TEP1: variants seen among roughly 807,000 people sequenced by gnomAD.
The protein encoded by TEP1 is telomerase protein component 1.
Under a neutral mutation model 306.3 loss-of-function variants are expected in TEP1, and 241 were observed. The observed-to-expected ratio is 0.79, with a 90% CI of 0.71 to 0.88. The LOEUF (loss-of-function observed/expected upper bound fraction) is 0.88, where lower values mean the gene tolerates loss of function less well. Among genes scored for constraint, TEP1 ranks in the 40% least tolerant of loss-of-function variants. TEP1 has a pLI of 0.00. For missense variants in TEP1, 3,051 were observed against 3,276.1 expected (o/e 0.93, Z 1.68); for synonymous variants, 1,289 against 1,305.5 (o/e 0.99, Z 0.27).
intron 17 of TEP1, 52 bp downstream of exon 17, chr14:20,389,186 T>G: frequency 6.5e-7 from 1 of 1,541,206 alleles, no homozygotes. Flanking sequence ...GATAATCTCC[T>G]AAAAACTTTC....
chr14:20,385,164 C>G, intron 20 of TEP1, 55 bp from the exon 21 acceptor site: 1 of 1,602,316 alleles, frequency 6.2e-7, no homozygotes, highest in Non-Finnish European at 8.5e-7. Context: ...GACCCTCCCT[C>G]CAGACCTGCC....
chr14:20,371,626 G>T lies in TEP1; in HGVS notation c.7083C>A (p.His2361Gln). Residue 2361 changes from histidine to glutamine, a missense_variant, in exon 50 of 55, where the codon CAC (histidine) becomes CAA (glutamine). This residue lies in a region of TEP1 where 1,540 missense variants were observed against 1,705.9 expected (regional missense o/e 0.90). Coordinates refer to ENST00000262715, the MANE Select transcript of TEP1 (RefSeq NM_007110.5). ...KGSAPGNLSL[H>Q]LNRILQEDLG... is the part of the protein sequence containing the mutation. Reference sequence around the variant, plus strand: ...AGTCCTCCTGTAGAATTCGGTTCAGGTGAAGACTAGCTCAAAAAAGTACAT... The same window carrying T: ...AGTCCTCCTGTAGAATTCGGTTCAGTTGAAGACTAGCTCAAAAAAGTACAT... The T allele has an allele frequency of 6.4e-7, 1 of 1,572,332 alleles. No homozygotes were observed. The highest frequency in any genetic ancestry group is 8.6e-7 in the Non-Finnish European group (1 of 1,168,102).
intron 16 of TEP1, 119 bp downstream of exon 16, chr14:20,389,490 TA>T: frequency 6.6e-7 from 1 of 1,514,540 alleles, no homozygotes; most frequent in Non-Finnish European, 9.0e-7. Flanking sequence ...GCAACAGAGG[TA>T]AGAAGGCAGA....
rs138032035 is a variant in TEP1, at chr14:20,379,019, G to C, written c.5214C>G (p.Asp1738Glu). 1 of 1,614,204 alleles carries C rather than the reference G, an allele frequency of 6.2e-7. No individual in the cohort carries two copies. Among genetic ancestry groups the C allele is most frequent in the Non-Finnish European group, 8.5e-7 (1 of 1,180,046 alleles). ...SDDTLFLTAF[D>E]GLLELWDLQH... is the part of the protein sequence containing the mutation. ...GCAGGTCCCAGAGCTCCAGGAGCCC[G>C]TCGAAGGCAGTAAGAAAGAGTGTAT... Residue 1738 changes from aspartate to glutamate, a missense_variant, in exon 36 of 55, where the codon GAC (aspartate) becomes GAG (glutamate). By Grantham distance (45) the Asp-to-Glu change is conservative (BLOSUM62 2). Around this residue, in one of 3 missense-constraint regions of TEP1, gnomAD observed 1,540 missense variants for 1,705.9 expected, o/e 0.90. Transcript: ENST00000262715.
Position 20,379,059 on chromosome 14 carries a change from A to G in TEP1, c.5174T>C (p.Leu1725Ser). ...VSGCDGISAC[L>S]FLSDDTLFLT... ...AAAGAGTGTATCATCGGAGAGGAAC[A>G]AACAAGCAGAGATTCCATCACAGCC... The change falls in exon 36 of 55, where the codon TTG (leucine) becomes TCG (serine). Residue 1725 changes from leucine to serine, a missense_variant. Physicochemically the swap from Leu to Ser is moderately radical, Grantham distance 145. This residue lies in a region of TEP1 where 1,540 missense variants were observed against 1,705.9 expected (regional missense o/e 0.90). Transcript: ENST00000262715. 6.2e-7 allele frequency: 1 copy of G among 1,614,196 alleles called. No individual in the cohort carries two copies. Among genetic ancestry groups the G allele is most frequent in the Non-Finnish European group, 8.5e-7 (1 of 1,180,042 alleles).
chr14:20,392,159 C>T (rs911798343), intron 12 of TEP1, among the ~76,000 whole-genome samples: 1 of 152,180 alleles, frequency 6.6e-6, no homozygotes, highest in African/African-American at 2.4e-5. Context: ...AATATTCATC[C>T]CACCTTTCCC....
At chr14:20,389,821 A>G in intron 15 of TEP1, 81 bp from the exon 16 acceptor site, 2 of 1,548,382 alleles carry the variant, frequency 1.3e-6, no homozygotes, top group Non-Finnish European at 1.8e-6. Context: ...TTCTGAGGAC[A>G]GGAGGATTAG....
At chr14:20,397,921 T>A (rs1225018728) in intron 9 of TEP1, among the ~76,000 whole-genome samples, 1 of 151,904 alleles carries the variant, frequency 6.6e-6, no homozygotes, top group African/African-American at 2.4e-5. Context: ...CCTGGCTAAT[T>A]TTTGTATTTT....
chr14:20,402,018 A>G (rs112782955), intron 7 of TEP1, among the ~76,000 whole-genome samples: 5,254 of 152,286 alleles, frequency 0.035, 95 homozygotes, highest in Non-Finnish European at 0.041. Flanking sequence ...GCTCATGCCT[A>G]TAAACCTAAC....
chr14:20,391,106 C>T lies in TEP1; in HGVS notation c.2098-10G>A. The T allele has an allele frequency of 1.2e-6, 2 of 1,613,404 alleles. No individual in the cohort carries two copies. Among genetic ancestry groups the T allele is most frequent in the Admixed American group, 1.7e-5 (1 of 60,014 alleles). On this transcript the variant is annotated splice_polypyrimidine_tract_variant and intron_variant, in intron 13 of 54. Transcript: ENST00000262715. Reference sequence around the variant, plus strand: ...CATAGTTCAGCGGGGGCTGATTGGACAAGTGTCAGGGGAAATAAAGCTCCC... The same window carrying T: ...CATAGTTCAGCGGGGGCTGATTGGATAAGTGTCAGGGGAAATAAAGCTCCC...
Position 20,384,147 on chromosome 14 carries a change from C to T in TEP1, c.3425G>A (p.Ser1142Asn). The T allele has an allele frequency of 6.2e-7, 1 of 1,614,210 alleles. No homozygotes were observed. Among genetic ancestry groups the T allele is most frequent in the Non-Finnish European group, 8.5e-7 (1 of 1,180,042 alleles). ...ATFQQLQKPP[S>N]PARPRLLQDT... ...CTGAAGAAGGCGTGGCCGGGCAGGA[C>T]TCGGTGGCTTCTGCAGCTGCTGGAA... is the stretch of plus-strand genomic sequence containing the variant. Residue 1142 changes from serine to asparagine, a missense_variant, in exon 24 of 55, where the codon AGT (serine) becomes AAT (asparagine). Transcript: ENST00000262715.
At chr14:20,377,890 AC>A (rs1442243821) in intron 39 of TEP1, 133 bp downstream of exon 39, 2 of 1,454,240 alleles carry the variant, frequency 1.4e-6, no homozygotes, top group Non-Finnish European at 1.9e-6. Context: ...ACACAGCGGC[AC>A]CCCTCTCCCC....
chr14:20,380,646 T>C (rs141322334), intron 33 of TEP1, among the ~76,000 whole-genome samples, 171 bp from the exon 34 acceptor site: 2 of 152,292 alleles, frequency 1.3e-5, no homozygotes, highest in African/African-American at 4.8e-5. Flanking sequence ...ACTCCAAACC[T>C]AGGAAACCAG....
At chr14:20,390,658 G>T (rs1423805151) in intron 15 of TEP1, 23 bp downstream of exon 15, 15 of 1,610,512 alleles carry the variant, frequency 9.3e-6, no homozygotes, top group Non-Finnish European at 1.3e-5. Flanking sequence ...GAGGGAGAGG[G>T]TTTCTCAGGG....
rs764693330 is a variant in TEP1, at chr14:20,390,708, C to T, written c.2307G>A (p.Leu769=). ...GWSLNTFGKY[L]LSLAGQRVPV... is the part of the protein sequence containing the mutation. ...GAACCCTTTGGCCAGCCAGAGACAG[C>T]AGGTATTTCCCAAAAGTATTCAGGG... The change falls in exon 15 of 55, where the codon CTG becomes CTA. Residue 769 remains leucine, a synonymous_variant. Coordinates refer to ENST00000262715, the MANE Select transcript of TEP1 (RefSeq NM_007110.5). 22 of 1,614,088 alleles carry T rather than the reference C, an allele frequency of 1.4e-5. No individual in the cohort carries two copies. Among genetic ancestry groups the T allele is most frequent in the Middle Eastern group, 3.3e-4 (2 of 6,084 alleles).
chr14:20,374,985 G>A (rs545607613), intron 43 of TEP1, among the ~76,000 whole-genome samples: 3 of 151,932 alleles, frequency 2.0e-5, no homozygotes, highest in African/African-American at 7.2e-5. Flanking sequence ...CAGCTACTCA[G>A]GAGGCTGAGG....
At chr14:20,378,719 G>A (rs1328094945) in intron 37 of TEP1, 35 bp downstream of exon 37, 1 of 1,606,680 alleles carries the variant, frequency 6.2e-7, no homozygotes, top group African/African-American at 1.3e-5. Flanking sequence ...TCATGGCTCA[G>A]GGCCACTCTG....
rs200759401 is a variant in TEP1 at position 20,384,971 on chromosome 14, G to A, written c.3107+14C>T. 32 of 1,614,200 alleles carry A rather than the reference G, an allele frequency of 2.0e-5. No individual in the cohort carries two copies. In the Middle Eastern group the frequency reaches 8.2e-4, roughly 42 times the overall value. On this transcript the variant is annotated intron_variant, in intron 21 of 54. Transcript: ENST00000262715. ...TTGGGGAAGGAGCCCCAGCCTGCAG[G>A]CAACAGACAGTACCTGAGGAAGCTG...
At position 20,381,248 on chromosome 14, in the gene TEP1, G is replaced by C; in HGVS notation, c.4647+65C>G. 1 of 1,507,336 alleles carries C rather than the reference G, an allele frequency of 6.6e-7. No individual in the cohort carries two copies. Among genetic ancestry groups the C allele is most frequent in the Non-Finnish European group, 9.2e-7 (1 of 1,083,034 alleles). The allele number at this position is 1,507,336 out of a possible 1,614,324, so 93.4% of individuals were successfully genotyped here. A position where few individuals can be genotyped will look rare whatever the true frequency, so the allele number is the denominator to read the frequency against. ...GTGATGGTGGAGATGGTAACGGGGA[G>C]AGGGGTCTCAGAGCAACCAAAGCAC... On this transcript the variant is annotated intron_variant, in intron 32 of 54. Coordinates refer to ENST00000262715, the MANE Select transcript of TEP1 (RefSeq NM_007110.5). This position sits in a 1 kb window ranked among gnomAD's most constrained non-coding sequence, Gnocchi z 4.0.
Sources: gnomAD v4.1 joint callset for allele counts (sites outside exome capture counted in the v4.1 genomes callset) on GRCh38, gnomAD v4.1.1 for gene constraint, gnomAD v4.1.1 regional missense constraint, Gnocchi (gnomAD v3.1) non-coding constraint, MANE v1.5 for transcripts, NCBI Gene and HGNC (gene_info 2026-07-23, HGNC 2026-07-21) for gene names.